TNIK: variants seen among roughly 807,000 people sequenced by gnomAD.
TNIK encodes the protein TRAF2 and NCK interacting kinase.
In TNIK, 49 loss-of-function variants were observed where a neutral mutation model predicts 191.3. The observed-to-expected ratio is 0.26, with a 90% CI of 0.20 to 0.32. The LOEUF is 0.32. TNIK is among the 10% of genes least tolerant of loss of function. The pLI is 1.00. For missense variants in TNIK, 1,155 were observed against 1,702.3 expected (o/e 0.68, Z 5.66); for synonymous variants, 594 against 600.9 (o/e 0.99, Z 0.17).
At chr3:171,325,818 T>G (rs968045849) in intron 2 of TNIK, among the ~76,000 whole-genome samples, 1 of 152,220 alleles carries the variant, frequency 6.6e-6, no homozygotes, top group Non-Finnish European at 1.5e-5. Flanking sequence ...GCACAAGGGC[T>G]AGGAGGTACA....
Position 171,432,538 on chromosome 3 carries a change from C to T in TNIK, c.57+27469G>A, listed in dbSNP as rs140278019. On this transcript the variant is annotated intron_variant, in intron 1 of 32. Transcript: ENST00000436636. ...TCCCAAACTCATAGCACTAACCAGACGGAAAATCAGGTTAACTACAAAGTA... is the reference window on the plus strand; with the variant it reads ...TCCCAAACTCATAGCACTAACCAGATGGAAAATCAGGTTAACTACAAAGTA... 2.3e-3 allele frequency among the ~76,000 whole-genome samples: 355 copies of T among 152,240 alleles called. 2 individuals carry two copies. The highest frequency in any genetic ancestry group is 7.7e-3 in the African/African-American group (321 of 41,540).
At chr3:171,405,203 C>T (rs947346484) in intron 1 of TNIK, among the ~76,000 whole-genome samples, 3 of 151,986 alleles carry the variant, frequency 2.0e-5, no homozygotes, top group African/African-American at 7.3e-5. Flanking sequence ...AAACTCAAGT[C>T]GGGGAAAACT....
chr3:171,227,831 T>A (rs1743135807), intron 3 of TNIK, among the ~76,000 whole-genome samples: 1 of 152,214 alleles, frequency 6.6e-6, no homozygotes, highest in Admixed American at 6.5e-5. Flanking sequence ...GAAATCAACA[T>A]GCATTTGGTA....
chr3:171,458,805 C>T (rs1729064668), intron 1 of TNIK, among the ~76,000 whole-genome samples: 1 of 152,176 alleles, frequency 6.6e-6, no homozygotes, highest in Non-Finnish European at 1.5e-5. Context: ...ACCCTCCATA[C>T]ATCAAGTATA....
rs961395637 is a variant in TNIK at position 171,348,642 on chromosome 3, T to G, written c.123+20978A>C. 2.6e-5 allele frequency among the ~76,000 whole-genome samples: 4 copies of G among 152,224 alleles called. No homozygotes were observed. In the East Asian group the frequency reaches 5.8e-4, roughly 22 times the overall value. Reference sequence around the variant, plus strand: ...CACCAATGAGGTTATAAAGCCTAATTTTTAACTTTTTGTTGTTTTATTTTT... The same window carrying G: ...CACCAATGAGGTTATAAAGCCTAATGTTTAACTTTTTGTTGTTTTATTTTT... On this transcript the variant is annotated intron_variant, in intron 2 of 32. Transcript: ENST00000436636.
intron 21 of TNIK, among the ~76,000 whole-genome samples, chr3:171,106,169 C>G (rs1470346261): frequency 6.6e-6 from 1 of 152,224 alleles, no homozygotes; most frequent in African/African-American, 2.4e-5. Context: ...GCCAAAATAG[C>G]TCCATGCCTC....
chr3:171,111,309 A>G (rs1338192825), intron 18 of TNIK, among the ~76,000 whole-genome samples: 1 of 152,068 alleles, frequency 6.6e-6, no homozygotes, highest in Non-Finnish European at 1.5e-5. Context: ...CACTTACATG[A>G]GAGGCTGAGG....
intron 9 of TNIK, among the ~76,000 whole-genome samples, chr3:171,173,156 G>T (rs1306932719): frequency 6.6e-6 from 1 of 151,546 alleles, no homozygotes; most frequent in South Asian, 2.1e-4. Context: ...AGGCCGAGGC[G>T]GGCGGATCAT....
intron 2 of TNIK, among the ~76,000 whole-genome samples, chr3:171,283,443 G>A (rs966241251): frequency 2.0e-5 from 3 of 152,126 alleles, no homozygotes; most frequent in Non-Finnish European, 4.4e-5. Flanking sequence ...TCACTTAGGG[G>A]AATTTCAAAC....
At chr3:171,430,400 G>C (rs1000812341) in intron 1 of TNIK, among the ~76,000 whole-genome samples, 2 of 152,108 alleles carry the variant, frequency 1.3e-5, no homozygotes, top group African/African-American at 4.8e-5. Context: ...AACAGTTTGG[G>C]AGGCTGAGGT....
At chr3:171,186,434 T>C (rs1174400291) in intron 7 of TNIK, among the ~76,000 whole-genome samples, 1 of 152,254 alleles carries the variant, frequency 6.6e-6, no homozygotes, top group Non-Finnish European at 1.5e-5. Context: ...AAGACCACTA[T>C]GAATTTTTTT....
At chr3:171,209,064 G>GGTGTGTGTGTGTGTGTGT (rs61264225) in intron 4 of TNIK, among the ~76,000 whole-genome samples, 56 of 142,116 alleles carry the variant, frequency 3.9e-4, no homozygotes, top group African/African-American at 1.2e-3. Flanking sequence ...CTTTGGAAGG[G>GGTGTGTGTGTGTGTGTGT]GTGTGTGTGT....
chr3:171,211,737 A>C (rs1740853028), intron 3 of TNIK, among the ~76,000 whole-genome samples: 1 of 152,186 alleles, frequency 6.6e-6, no homozygotes, highest in African/African-American at 2.4e-5. Context: ...AGATGGGAAA[A>C]GGAGCAAAGG....
chr3:171,093,228 A>G (rs1182247202), intron 23 of TNIK, among the ~76,000 whole-genome samples: 2 of 152,218 alleles, frequency 1.3e-5, no homozygotes, highest in Non-Finnish European at 2.9e-5. Context: ...ACTGCATGTC[A>G]GAAGGACAGA....
intron 7 of TNIK, among the ~76,000 whole-genome samples, chr3:171,185,178 CGTGTGTGTGTGTGTGT>C (rs148499254): frequency 6.9e-6 from 1 of 145,872 alleles, no homozygotes; most frequent in African/African-American, 2.5e-5. Context: ...ATAGATTTCC[CGTGTGTGTGTGTGTGT>C]GTGTGTGTGT....
chr3:171,170,882 C>T (rs180961596), intron 9 of TNIK, among the ~76,000 whole-genome samples: 81 of 152,220 alleles, frequency 5.3e-4, no homozygotes, highest in Middle Eastern at 3.4e-3. Context: ...AAGACGGTCT[C>T]TTTATAAACA....
intron 12 of TNIK, among the ~76,000 whole-genome samples, chr3:171,140,752 G>A (rs1193093692): frequency 2.0e-5 from 3 of 152,104 alleles, no homozygotes; most frequent in Admixed American, 6.5e-5. Flanking sequence ...TCACCAAGAC[G>A]TTCCTGTTAA....
Position 171,061,943 on chromosome 3 carries a change from G to A in TNIK, c.*1938C>T, listed in dbSNP as rs1027783357. 2.6e-5 allele frequency: 4 copies of A among 152,170 alleles called. No individual in the cohort carries two copies. The highest frequency in any genetic ancestry group is 5.9e-5 in the Non-Finnish European group (4 of 68,038). The allele number at this position is 152,170 out of a possible 1,614,324, so 9.4% of individuals were successfully genotyped here. A position where few individuals can be genotyped will look rare whatever the true frequency, so the allele number is the denominator to read the frequency against. ...GCTGATTGCCTGAAGATAATCCTCA[G>A]TTACATTCCTGCATATTACCTGCTT... is the stretch of plus-strand genomic sequence containing the variant. On this transcript the variant is annotated 3_prime_UTR_variant, in exon 33 of 33. Transcript: ENST00000436636.
At chr3:171,259,308 G>A (rs796616090) in intron 2 of TNIK, among the ~76,000 whole-genome samples, 17 of 152,240 alleles carry the variant, frequency 1.1e-4, no homozygotes, top group African/African-American at 2.6e-4. Context: ...TTCAAGAGTC[G>A]CCATTAGGAA....
Sources: allele counts gnomAD v4.1 joint callset (sites outside exome capture counted in the v4.1 genomes callset), GRCh38; gene constraint gnomAD v4.1.1; transcripts MANE v1.5; gene names NCBI Gene and HGNC (gene_info 2026-07-23, HGNC 2026-07-21).